TBC1D8: variants seen among roughly 807,000 people sequenced by gnomAD.
TBC1D8 encodes BUB2-like protein 1.
TBC1D8 carries 65 observed loss-of-function variants against 118.8 expected under a neutral mutation model. The ratio of observed to expected loss-of-function variants is 0.55; its 90% CI spans 0.45 to 0.67. The LOEUF is 0.67. Among genes scored for constraint, TBC1D8 ranks in the 30% least tolerant of loss-of-function variants. The pLI is 0.00. For missense variants in TBC1D8, 1,376 were observed against 1,471.2 expected (o/e 0.94, Z 1.06); for synonymous variants, 566 against 595.8 (o/e 0.95, Z 0.73).
At chr2:101,114,927 C>T (rs1034620775) in intron 1 of TBC1D8, among the ~76,000 whole-genome samples, 4 of 152,148 alleles carry the variant, frequency 2.6e-5, no homozygotes, top group Non-Finnish European at 5.9e-5. Context: ...GCAGTTGGCC[C>T]CATGGTCCCT....
At chr2:101,040,494 G>C in intron 5 of TBC1D8, 109 bp from the exon 6 acceptor site, 3 of 1,165,736 alleles carry the variant, frequency 2.6e-6, no homozygotes, top group Non-Finnish European at 3.6e-6. Context: ...TTTTGAGACA[G>C]AGTCTCGCTC....
intron 16 of TBC1D8, among the ~76,000 whole-genome samples, chr2:101,022,008 G>T (rs1164610630): frequency 6.6e-6 from 1 of 152,136 alleles, no homozygotes; most frequent in African/African-American, 2.4e-5. Context: ...TAGGAACATG[G>T]CTCCCAACAA....
intron 2 of TBC1D8, among the ~76,000 whole-genome samples, chr2:101,068,131 C>T (rs1683117882): frequency 6.6e-6 from 1 of 152,196 alleles, no homozygotes; most frequent in Admixed American, 6.5e-5. Flanking sequence ...TGACTCCCTC[C>T]ACTGAAGCCT....
Position 101,028,346 on chromosome 2 carries a change from T to G in TBC1D8, c.2309A>C (p.Tyr770Ser). Residue 770 changes from tyrosine to serine, a missense_variant, in exon 13 of 20, where the codon TAC (tyrosine) becomes TCC (serine). Transcript: ENST00000409318. ...HAFFSDDQEP[Y>S]PVTDISDLIR... Reference sequence around the variant, plus strand: ...CAGGTCCGAAATATCAGTCACAGGGTAGGGCTCCTGGTCGTCGGAGAAAAA... The same window carrying G: ...CAGGTCCGAAATATCAGTCACAGGGGAGGGCTCCTGGTCGTCGGAGAAAAA... 3.7e-6 allele frequency: 6 copies of G among 1,612,842 alleles called. No homozygotes were observed. The highest frequency in any genetic ancestry group is 5.1e-6 in the Non-Finnish European group (6 of 1,179,442).
In TBC1D8 at chr2:101,007,938, A is replaced by G; in HGVS notation, c.3351T>C (p.Phe1117=). 1 of 1,614,046 alleles carries G rather than the reference A, an allele frequency of 6.2e-7. No individual in the cohort carries two copies. The highest frequency in any genetic ancestry group is 8.5e-7 in the Non-Finnish European group (1 of 1,179,900). ...LLTEQSLVNF[F]EKPLDMKSKL... is the part of the protein sequence containing the mutation. ...TGGATTTCATGTCCAGTGGCTTTTC[A>G]AAAAAGTTGACTAATGACTGTTCAG... Residue 1117 remains phenylalanine (F), a synonymous_variant, in exon 20 of 20, where the codon TTT becomes TTC. Transcript: ENST00000409318.
intron 1 of TBC1D8, among the ~76,000 whole-genome samples, chr2:101,117,419 G>GT (rs759854889): frequency 6.3e-4 from 96 of 152,122 alleles, no homozygotes; most frequent in Non-Finnish European, 9.7e-4. Flanking sequence ...AGTGGATTTC[G>GT]TAACCAATTT....
At chr2:101,019,172 C>T (rs1432740297) in intron 17 of TBC1D8, 1 of 1,219,882 alleles carries the variant, frequency 8.2e-7, no homozygotes, top group African/African-American at 1.5e-5. Context: ...AGGGCCAGGC[C>T]TGTTCTACAC....
intron 1 of TBC1D8, among the ~76,000 whole-genome samples, chr2:101,135,895 G>A (rs11695943): frequency 0.13 from 19,795 of 152,116 alleles, 1,447 homozygotes; most frequent in East Asian, 0.28. Context: ...TGGTTTTTGT[G>A]TTTTTGAGAA....
At chr2:101,033,434 A>C (rs1039346872) in intron 10 of TBC1D8, 110 bp downstream of exon 10, 2 of 1,345,866 alleles carry the variant, frequency 1.5e-6, no homozygotes, top group African/African-American at 2.9e-5. Flanking sequence ...CAGCGCCTTC[A>C]CACGACAACA....
chr2:101,124,439 TACC>T (rs1379300283), intron 1 of TBC1D8, among the ~76,000 whole-genome samples: 1 of 152,144 alleles, frequency 6.6e-6, no homozygotes, highest in Non-Finnish European at 1.5e-5. Context: ...AGATGAAAAC[TACC>T]ACATTTCTAG....
intron 2 of TBC1D8, among the ~76,000 whole-genome samples, chr2:101,076,783 A>G (rs901678823): frequency 1.3e-5 from 2 of 152,216 alleles, no homozygotes; most frequent in Non-Finnish European, 2.9e-5. Flanking sequence ...GCCCTTAGTC[A>G]TTCCTGGGCT....
In TBC1D8 at chr2:101,040,533, G is replaced by A. The variant is rs528371391; in HGVS notation, c.873-148C>T. ...CGCCCAGGATGGAGTGCAGTGGTGC[G>A]AGCTCAGCTCACTGCAACCTCCACC... is the stretch of plus-strand genomic sequence containing the variant. On this transcript the variant is annotated intron_variant, in intron 5 of 19. Transcript: ENST00000409318. 1.3e-4 allele frequency: 102 copies of A among 762,756 alleles called. 1 individual carries two copies. In the South Asian group the frequency reaches 1.6e-3, roughly 12 times the overall value. 47.2% of individuals were successfully genotyped at this position (762,756 alleles called of 1,614,324 possible).
At chr2:101,071,577 G>A in intron 2 of TBC1D8, among the ~76,000 whole-genome samples, 1 of 152,168 alleles carries the variant, frequency 6.6e-6, no homozygotes, top group East Asian at 1.9e-4. Flanking sequence ...ACTTAAGAAT[G>A]ATGAAAGGTA....
intron 1 of TBC1D8, among the ~76,000 whole-genome samples, chr2:101,093,653 T>G (rs1354103666): frequency 6.6e-6 from 1 of 151,864 alleles, no homozygotes; most frequent in Admixed American, 6.6e-5. Flanking sequence ...TGGCAGAGGT[T>G]GCAGTGAGCC....
chr2:101,067,011 C>A (rs1001098629), intron 2 of TBC1D8, among the ~76,000 whole-genome samples: 1 of 150,572 alleles, frequency 6.6e-6, no homozygotes, highest in African/African-American at 2.5e-5. Context: ...ATTAAGTGTG[C>A]GATTGCATTA....
At chr2:101,130,265 AGCGTCGATCGGGCCAGCTGT>A in intron 1 of TBC1D8, among the ~76,000 whole-genome samples, 1 of 152,356 alleles carries the variant, frequency 6.6e-6, no homozygotes, top group East Asian at 1.9e-4. Flanking sequence ...GAGGCCTGGA[AGCGTCGATCGGGCCAGCTGT>A]GCTGACACTT....
At chr2:101,108,474 A>T (rs1484075373) in intron 1 of TBC1D8, among the ~76,000 whole-genome samples, 1 of 152,192 alleles carries the variant, frequency 6.6e-6, no homozygotes, top group African/African-American at 2.4e-5. Flanking sequence ...AAAACAAAAC[A>T]AACGTATGAG....
Position 101,109,834 on chromosome 2 carries a change from C to T in TBC1D8, c.128-19470G>A, listed in dbSNP as rs1677479448. ...TTAAAAATACTACATCATTTACAAA[C>T]CTACAGTTCCATCTACATTCAGACT... On this transcript the variant is annotated intron_variant, in intron 1 of 19. Transcript: ENST00000409318. The T allele has an allele frequency of 4.1e-6, 4 of 985,440 alleles. No homozygotes were observed. The South Asian group carries it at 1.9e-4, about 46-fold the overall frequency. The allele number at this position is 985,440 out of a possible 1,614,324, so 61.0% of individuals were successfully genotyped here.
At chr2:101,056,000 A>C (rs1019970418) in intron 3 of TBC1D8, among the ~76,000 whole-genome samples, 1 of 151,172 alleles carries the variant, frequency 6.6e-6, no homozygotes, top group South Asian at 2.1e-4. Flanking sequence ...ATACACACAT[A>C]TATATAAATA....
Sources: gnomAD v4.1 joint callset for allele counts (sites outside exome capture counted in the v4.1 genomes callset) on GRCh38, gnomAD v4.1.1 for gene constraint, MANE v1.5 for transcripts, NCBI Gene and HGNC (gene_info 2026-07-23, HGNC 2026-07-21) for gene names.